Variants in OSBPL5 observed in about 807,000 individuals in gnomAD.
OSBPL5 encodes oxysterol-binding protein-related protein 5.
A neutral mutation model predicts 111.2 loss-of-function variants in OSBPL5; 71 were observed. The observed-to-expected ratio is 0.64, with a 90% CI of 0.53 to 0.78. The LOEUF is 0.78. OSBPL5 is among the 30% of genes least tolerant of loss of function. The pLI is 0.00. For synonymous variants in OSBPL5, 549 were observed against 513.9 expected (o/e 1.07, Z -0.93); for missense variants, 1,210 against 1,189.3 (o/e 1.02, Z -0.26).
rs1039347023 is a variant in OSBPL5 at position 3,088,161 on chromosome 11, G to C, written c.*44C>G. Reference sequence around the variant, plus strand: ...CAGGCTTAAAGTGCTGGGTGCCTGGGAGGGAGGGCTCAGGACCGGCCAGGA... The same window carrying C: ...CAGGCTTAAAGTGCTGGGTGCCTGGCAGGGAGGGCTCAGGACCGGCCAGGA... On this transcript the variant is annotated 3_prime_UTR_variant, in exon 22 of 22. Coordinates refer to ENST00000263650, the MANE Select transcript of OSBPL5 (RefSeq NM_020896.4). 5 of 1,492,762 alleles carry C rather than the reference G, an allele frequency of 3.3e-6. No homozygotes were observed. In the African/African-American group the frequency reaches 5.6e-5, roughly 17 times the overall value. 92.5% of individuals were successfully genotyped at this position (1,492,762 alleles called of 1,614,324 possible).
At chr11:3,123,023 G>A (rs1379886678) in intron 3 of OSBPL5, among the ~76,000 whole-genome samples, 1 of 152,218 alleles carries the variant, frequency 6.6e-6, no homozygotes, top group African/African-American at 2.4e-5. Context: ...GCTCTGGGCA[G>A]GGCCAATGTA....
At chr11:3,157,499 C>T (rs1846812110) in intron 1 of OSBPL5, among the ~76,000 whole-genome samples, 2 of 152,318 alleles carry the variant, frequency 1.3e-5, no homozygotes, top group African/African-American at 2.4e-5. Context: ...GCTTTGCAGG[C>T]CTGGGAAGGG....
At chr11:3,103,753 C>CCTGCCTCTG (rs1857556736) in intron 10 of OSBPL5, among the ~76,000 whole-genome samples, 4 of 51,596 alleles carry the variant, frequency 7.8e-5, no homozygotes, top group Admixed American at 3.9e-4. Flanking sequence ...CAACCCTCTT[C>CCTGCCTCTG]CAGCTCTGCA....
chr11:3,152,827 C>T (rs545722758), intron 1 of OSBPL5, among the ~76,000 whole-genome samples: 8 of 152,324 alleles, frequency 5.3e-5, no homozygotes, highest in African/African-American at 7.2e-5. Context: ...GTAAAGAGCC[C>T]TCTAAACAGC....
chr11:3,132,768 G>A (rs1286616651), intron 1 of OSBPL5, among the ~76,000 whole-genome samples: 2 of 152,234 alleles, frequency 1.3e-5, no homozygotes, highest in Non-Finnish European at 2.9e-5. Flanking sequence ...AGTCCTTGGA[G>A]GGCTCCACAT....
At position 3,101,067 on chromosome 11, in the gene OSBPL5, C is replaced by T. The variant is rs187625337; in HGVS notation, c.1522+536G>A. 5.3e-3 allele frequency among the ~76,000 whole-genome samples: 799 copies of T among 151,572 alleles called. 6 individuals are homozygous for T. Among genetic ancestry groups the T allele is most frequent in the Non-Finnish European group, 8.0e-3 (541 of 67,892 alleles). On this transcript the variant is annotated intron_variant, in intron 13 of 21. Transcript: ENST00000263650. ...TTGGCTCACTGCAACCTCCACCTCC[C>T]GGGTTCAAGCGATTCTCCTGCCTCA...
chr11:3,124,842 G>C (rs1008983823), intron 3 of OSBPL5, among the ~76,000 whole-genome samples: 3 of 152,212 alleles, frequency 2.0e-5, no homozygotes, highest in Non-Finnish European at 4.4e-5. Flanking sequence ...ATGGATGGAC[G>C]CATGAACCTG....
At chr11:3,089,033 G>T (rs1856970701) in intron 21 of OSBPL5, among the ~76,000 whole-genome samples, 1 of 152,246 alleles carries the variant, frequency 6.6e-6, no homozygotes, top group Admixed American at 6.5e-5. Flanking sequence ...TGCTGCAGAA[G>T]CTTCTGGCTG....
Position 3,110,002 on chromosome 11 carries a change from C to T in OSBPL5, c.692-2057G>A, listed in dbSNP as rs1424120493. 6.6e-6 allele frequency among the ~76,000 whole-genome samples: 1 copy of T among 152,154 alleles called. No individual in the cohort carries two copies. The highest frequency in any genetic ancestry group is 1.5e-5 in the Non-Finnish European group (1 of 68,032). The stretch of plus-strand genomic sequence containing the variant: ...CTGCCTTATCTGATGGTTGGTTATC[C>T]ACCTCACCCAGGAGCACAGAGGCTG... On this transcript the variant is annotated intron_variant, in intron 7 of 21. Coordinates refer to ENST00000263650, the MANE Select transcript of OSBPL5 (RefSeq NM_020896.4). The surrounding 1 kb of genome is among the most constrained non-coding windows in gnomAD (Gnocchi z 5.3).
chr11:3,107,312 A>T lies in OSBPL5; in HGVS notation c.1010T>A (p.Val337Glu). The T allele has an allele frequency of 6.2e-7, 1 of 1,612,376 alleles. No individual in the cohort carries two copies. Among genetic ancestry groups the T allele is most frequent in the South Asian group, 1.1e-5 (1 of 90,968 alleles). Residue 337 changes from valine (V) to glutamate (E), a missense_variant, in exon 9 of 22, where the codon GTG (valine) becomes GAG (glutamate). By Grantham distance (121) the Val-to-Glu change is moderately radical. Transcript: ENST00000263650. This position sits in a 1 kb window ranked among gnomAD's most constrained non-coding sequence, Gnocchi z 6.1. The part of the protein sequence containing the change: ...SDQSETPGAP[V>E]RRGTTYVEQV... ...CTCCACATAGGTGGTCCCTCTCCGC[A>T]CCGGGGCCCCAGGGGTCTCTGACTG...
rs1205876885 is a variant in OSBPL5 at position 3,107,935 on chromosome 11, C to G, written c.702G>C (p.Trp234Cys). 1.9e-6 allele frequency: 3 copies of G among 1,598,954 alleles called. No homozygotes were observed. The highest frequency in any genetic ancestry group is 2.5e-6 in the Non-Finnish European group (3 of 1,179,634). Residue 234 changes from tryptophan (W) to cysteine (C), a missense_variant, in exon 8 of 22, where the codon TGG becomes TGC. By Grantham distance (215) the Trp-to-Cys change is radical (BLOSUM62 -2). Coordinates refer to ENST00000263650, the MANE Select transcript of OSBPL5 (RefSeq NM_020896.4). The surrounding 1 kb of genome is among the most constrained non-coding windows in gnomAD (Gnocchi z 6.1). ...GCAGGGCCAGCTCCAGGGCGTCCAG[C>G]CAGCAGCGACCTGCGGGGCACACGG... ...RAASESDGRC[W>C]LDALELALRC... is the part of the protein sequence containing the mutation.
At position 3,121,734 on chromosome 11, in the gene OSBPL5, T is replaced by C; in HGVS notation, c.402+263A>G. 4.1e-6 allele frequency: 2 copies of C among 483,212 alleles called. No homozygotes were observed. Among genetic ancestry groups the C allele is most frequent in the South Asian group, 2.8e-5 (1 of 35,222 alleles). The allele number at this position is 483,212 out of a possible 1,614,324, so 29.9% of individuals were successfully genotyped here. A position where few individuals can be genotyped will look rare whatever the true frequency, so the allele number is the denominator to read the frequency against. On this transcript the variant is annotated intron_variant, in intron 5 of 21. Transcript: ENST00000263650. This position sits in a 1 kb window ranked among gnomAD's most constrained non-coding sequence, Gnocchi z 4.3. The stretch of plus-strand genomic sequence containing the variant: ...GGCCCCACCTTATTCGGAAATGGGG[T>C]CTTTGCAGACATAATCAGGTGAAGA...
intron 10 of OSBPL5, among the ~76,000 whole-genome samples, chr11:3,103,859 C>CTGCCCCTTCCTGCCTCT (rs1564830734): frequency 7.4e-5 from 3 of 40,590 alleles, no homozygotes; most frequent in Admixed American, 2.9e-4. Flanking sequence ...TTCCAGTCTG[C>CTGCCCCTTCCTGCCTCT]GCAGCCCCCT....
At chr11:3,143,626 C>A (rs933997360) in intron 1 of OSBPL5, among the ~76,000 whole-genome samples, 1 of 152,262 alleles carries the variant, frequency 6.6e-6, no homozygotes, top group African/African-American at 2.4e-5. Context: ...TTGTCCGCTT[C>A]CACGCCCACG....
chr11:3,114,393 A>C (rs1858126246), intron 7 of OSBPL5, among the ~76,000 whole-genome samples: 1 of 152,076 alleles, frequency 6.6e-6, no homozygotes, highest in Non-Finnish European at 1.5e-5. Flanking sequence ...TTTAAGAAAG[A>C]GGGATGTTCA....
intron 7 of OSBPL5, among the ~76,000 whole-genome samples, chr11:3,112,051 GTGTGCA>G (rs1479243650): frequency 8.2e-4 from 46 of 55,908 alleles, no homozygotes; most frequent in East Asian, 5.1e-3. Flanking sequence ...GCGCGCATGT[GTGTGCA>G]TGTGTATGTG....
chr11:3,122,178 T>C, intron 4 of OSBPL5, 80 bp from the exon 5 acceptor site: 1 of 1,440,550 alleles, frequency 6.9e-7, no homozygotes, highest in South Asian at 1.2e-5. Flanking sequence ...AGCCCAGGGA[T>C]GGGTCCAGGG....
At chr11:3,129,326 G>T in intron 1 of OSBPL5, 157 bp from the exon 2 acceptor site, 1 of 649,230 alleles carries the variant, frequency 1.5e-6, no homozygotes, top group Non-Finnish European at 2.3e-6. Flanking sequence ...GTGGTGGGTG[G>T]TCAGCCAGGA....
intron 1 of OSBPL5, among the ~76,000 whole-genome samples, chr11:3,149,308 TGGG>T (rs775240680): frequency 3.3e-5 from 5 of 152,096 alleles, no homozygotes; most frequent in Admixed American, 3.3e-4. Flanking sequence ...AGGCATGGGC[TGGG>T]GGGGCAGTCG....
Sources: gnomAD v4.1 joint callset for allele counts (sites outside exome capture counted in the v4.1 genomes callset) on GRCh38, gnomAD v4.1.1 for gene constraint, Gnocchi (gnomAD v3.1) non-coding constraint, MANE v1.5 for transcripts, NCBI Gene and HGNC (gene_info 2026-07-23, HGNC 2026-07-21) for gene names.